SLC4A10: variants seen among roughly 807,000 people sequenced by gnomAD.
The protein encoded by SLC4A10 is solute carrier family 4 member 10.
A neutral mutation model predicts 137.7 loss-of-function variants in SLC4A10; 42 were observed. That is an observed-to-expected ratio of 0.30 (90% confidence interval 0.24 to 0.39). SLC4A10 has a LOEUF of 0.39. Among genes scored for constraint, SLC4A10 ranks in the 10% least tolerant of loss-of-function variants. The pLI is 1.00. For synonymous variants in SLC4A10, 474 were observed against 464.1 expected, an observed-to-expected ratio of 1.02 and a Z score of -0.27; for missense variants, 925 against 1,355.0, an observed-to-expected ratio of 0.68 and a Z score of 4.98.
chr2:161,780,253 C>T (rs2125468187), intron 2 of SLC4A10, among the ~76,000 whole-genome samples: 1 of 152,096 alleles, frequency 6.6e-6, no homozygotes, highest in African/African-American at 2.4e-5. Flanking sequence ...GAATATATCT[C>T]CACATAACCA....
chr2:161,802,978 C>G (rs2055533541), intron 2 of SLC4A10, among the ~76,000 whole-genome samples: 1 of 152,044 alleles, frequency 6.6e-6, no homozygotes, highest in African/African-American at 2.4e-5. Context: ...GGGACATAAG[C>G]CTTCATCCAC....
At chr2:161,791,135 T>G (rs139316812) in intron 2 of SLC4A10, among the ~76,000 whole-genome samples, 3,137 of 152,258 alleles carry the variant, frequency 0.021, 349 homozygotes, top group Admixed American at 0.19. Context: ...CAAAGGAATA[T>G]AAATCATTCT....
At chr2:161,940,294 C>T (rs1191170647) in intron 15 of SLC4A10, among the ~76,000 whole-genome samples, 5 of 152,126 alleles carry the variant, frequency 3.3e-5, no homozygotes, top group Admixed American at 2.6e-4. Flanking sequence ...AGACCAACAG[C>T]GTTTCTTGTC....
At chr2:161,961,358 G>A (rs2105894665) in intron 21 of SLC4A10, among the ~76,000 whole-genome samples, 1 of 152,240 alleles carries the variant, frequency 6.6e-6, no homozygotes. Context: ...TCTTCATCCT[G>A]ACACTGGGAA....
chr2:161,737,492 C>T (rs539169877), intron 1 of SLC4A10, among the ~76,000 whole-genome samples: 20 of 150,362 alleles, frequency 1.3e-4, no homozygotes, highest in African/African-American at 4.9e-4. Context: ...ATTAATTAAT[C>T]ACTTGAGATT....
intron 1 of SLC4A10, among the ~76,000 whole-genome samples, chr2:161,717,054 T>C (rs1574529712): frequency 6.6e-6 from 1 of 152,086 alleles, no homozygotes; most frequent in Non-Finnish European, 1.5e-5. Flanking sequence ...ATTCTCTTTG[T>C]AGCAATTGTG....
intron 1 of SLC4A10, among the ~76,000 whole-genome samples, chr2:161,660,762 T>C (rs2038272092): frequency 6.6e-6 from 1 of 151,540 alleles, no homozygotes; most frequent in African/African-American, 2.4e-5. Flanking sequence ...CAAGCAATTC[T>C]CCTGCCTCAG....
At chr2:161,679,877 G>A (rs1439829585) in intron 1 of SLC4A10, among the ~76,000 whole-genome samples, 1 of 151,636 alleles carries the variant, frequency 6.6e-6, no homozygotes, top group East Asian at 1.9e-4. Flanking sequence ...TTGTTTTGGG[G>A]GCAAAATCAA....
intron 1 of SLC4A10, chr2:161,708,757 T>C: frequency 2.0e-6 from 3 of 1,532,348 alleles, no homozygotes; most frequent in Non-Finnish European, 2.6e-6. Flanking sequence ...AAATGCAGTC[T>C]TTAGGGGTTT....
At chr2:161,785,651 A>G (rs2053538262) in intron 2 of SLC4A10, among the ~76,000 whole-genome samples, 1 of 151,882 alleles carries the variant, frequency 6.6e-6, no homozygotes, top group Non-Finnish European at 1.5e-5. Context: ...GTTTCATGAT[A>G]AAAACTCTCA....
chr2:161,744,482 C>T (rs993778573), intron 1 of SLC4A10, among the ~76,000 whole-genome samples: 17 of 152,052 alleles, frequency 1.1e-4, no homozygotes, highest in Admixed American at 2.0e-4. Flanking sequence ...GGGATAAATA[C>T]CAATTGGTCA....
chr2:161,715,684 T>G (rs1159174544), intron 1 of SLC4A10, among the ~76,000 whole-genome samples: 1 of 152,118 alleles, frequency 6.6e-6, no homozygotes, highest in Non-Finnish European at 1.5e-5. Flanking sequence ...TTCCTTTCTA[T>G]GGCCACATAG....
At chr2:161,888,411 C>T (rs568473993) in intron 10 of SLC4A10, among the ~76,000 whole-genome samples, 1 of 152,050 alleles carries the variant, frequency 6.6e-6, no homozygotes, top group African/African-American at 2.4e-5. Context: ...GATATTGATT[C>T]TTCCTATCCA....
chr2:161,730,296 G>A (rs1259713737), intron 1 of SLC4A10, among the ~76,000 whole-genome samples: 1 of 152,028 alleles, frequency 6.6e-6, no homozygotes, highest in African/African-American at 2.4e-5. Context: ...GGAAGGACTA[G>A]AATTAGTTAT....
intron 10 of SLC4A10, among the ~76,000 whole-genome samples, chr2:161,891,593 T>C (rs770101985): frequency 6.6e-6 from 1 of 151,982 alleles, no homozygotes; most frequent in African/African-American, 2.4e-5. Flanking sequence ...GATTCAGCTA[T>C]CAATACTTCT....
intron 15 of SLC4A10, among the ~76,000 whole-genome samples, chr2:161,912,142 T>C (rs1021748021): frequency 8.5e-5 from 13 of 152,148 alleles, no homozygotes; most frequent in African/African-American, 3.1e-4. Context: ...AGCTAAGGGA[T>C]TGGCAGATAG....
intron 2 of SLC4A10, among the ~76,000 whole-genome samples, chr2:161,785,469 ACAAC>A: frequency 6.6e-6 from 1 of 151,906 alleles, no homozygotes; most frequent in Non-Finnish European, 1.5e-5. Context: ...AAAATTCTTA[ACAAC>A]AAAAACTACC....
intron 1 of SLC4A10, among the ~76,000 whole-genome samples, chr2:161,644,184 G>C (rs1385979390): frequency 6.6e-6 from 1 of 151,748 alleles, no homozygotes; most frequent in Non-Finnish European, 1.5e-5. Context: ...AGACAGAATG[G>C]AAGATTATGT....
intron 15 of SLC4A10, among the ~76,000 whole-genome samples, chr2:161,932,335 A>G (rs1298162490): frequency 6.6e-6 from 1 of 152,196 alleles, no homozygotes; most frequent in Non-Finnish European, 1.5e-5. Flanking sequence ...ATTCAGAAAA[A>G]GACATTGCAG....
Sources: allele counts gnomAD v4.1 joint callset (sites outside exome capture counted in the v4.1 genomes callset), GRCh38; gene constraint gnomAD v4.1.1; transcripts MANE v1.5; gene names NCBI Gene and HGNC (gene_info 2026-07-23, HGNC 2026-07-21).